The following CNTN4 variants were observed in gnomAD, a reference collection of about 807,000 sequenced individuals.
CNTN4 encodes the protein contactin-4.
CNTN4 carries 77 observed loss-of-function variants against 122.5 expected under a neutral mutation model. That is an observed-to-expected ratio of 0.63 (90% CI 0.52 to 0.76). The LOEUF (loss-of-function observed/expected upper bound fraction) is 0.76, where lower values mean the gene tolerates loss of function less well. Among genes scored for constraint, CNTN4 ranks in the 30% least tolerant of loss-of-function variants. The probability of loss-of-function intolerance (pLI) is 0.00; values close to 1 mark genes in which losing one functional copy is unlikely to be tolerated. For synonymous variants in CNTN4, 512 were observed against 447.0 expected (o/e 1.15, Z -1.83); for missense variants, 1,256 against 1,259.1 (o/e 1.00, Z 0.04).
chr3:2,354,090 A>T (rs755519372), intron 3 of CNTN4, among the ~76,000 whole-genome samples: 1 of 152,206 alleles, frequency 6.6e-6, no homozygotes, highest in East Asian at 1.9e-4. Context: ...CATCTTGTTG[A>T]TTAAAAACAC....
At chr3:2,362,325 C>T (rs1159965197) in intron 3 of CNTN4, 16 of 254,524 alleles carry the variant, frequency 6.3e-5, no homozygotes, top group East Asian at 2.4e-4. Flanking sequence ...CCCAGGGCTG[C>T]GCGGCACACA....
chr3:3,042,160 A>G (rs1377881101), intron 20 of CNTN4, 150 bp from the exon 21 acceptor site: 1 of 680,510 alleles, frequency 1.5e-6, no homozygotes, highest in Non-Finnish European at 2.7e-6. Flanking sequence ...CCAGCTATTA[A>G]TCACTGCCCC....
intron 4 of CNTN4, among the ~76,000 whole-genome samples, chr3:2,646,998 G>T (rs1489998314): frequency 6.6e-6 from 1 of 152,174 alleles, no homozygotes; most frequent in African/African-American, 2.4e-5. Context: ...ATAATGCCAA[G>T]GTTGAATTTC....
intron 2 of CNTN4, among the ~76,000 whole-genome samples, chr3:2,165,158 A>T (rs1389786468): frequency 6.6e-6 from 1 of 152,062 alleles, no homozygotes; most frequent in Non-Finnish European, 1.5e-5. Flanking sequence ...CCCCATCTCT[A>T]CTAAAAATAC....
chr3:2,602,272 G>A (rs2081078341), intron 4 of CNTN4, among the ~76,000 whole-genome samples: 1 of 152,098 alleles, frequency 6.6e-6, no homozygotes, highest in Admixed American at 6.6e-5. Flanking sequence ...GAAATAAAGG[G>A]TATTCAATTA....
At chr3:2,413,591 T>C (rs1236471829) in intron 3 of CNTN4, among the ~76,000 whole-genome samples, 1 of 152,124 alleles carries the variant, frequency 6.6e-6, no homozygotes, top group African/African-American at 2.4e-5. Flanking sequence ...TTGCCCAGGC[T>C]GAAGGGCAGT....
In CNTN4 at chr3:2,190,595, C is replaced by A. The variant is rs373653433; in HGVS notation, c.-145+89956C>A. On this transcript the variant is annotated intron_variant, in intron 2 of 24. Transcript: ENST00000418658. ...AGTCTACAGTTCCAGGCCAGCATCT[C>A]AGAGCTACGGGACAGTCTGCATGGG... 1.1e-3 allele frequency among the ~76,000 whole-genome samples: 163 copies of A among 151,846 alleles called. 2 individuals carry two copies. Among genetic ancestry groups the A allele is most frequent in the African/African-American group, 3.7e-3 (153 of 41,396 alleles).
rs553221146 is a variant in CNTN4, at chr3:2,553,020, G to A, written c.-88-18396G>A. On this transcript the variant is annotated intron_variant, in intron 3 of 24. Transcript: ENST00000418658. ...CAAGTACACGTCTTACCTGGAAAAC[G>A]ACGGTGTCTAGTTGGAGACCAGTGT... Among the ~76,000 whole-genome samples the A allele has an allele frequency of 3.9e-5, 6 of 152,254 alleles. No homozygotes were observed. The East Asian group carries it at 7.7e-4, about 20-fold the overall frequency.
chr3:2,669,808 G>T (rs1367363994), intron 4 of CNTN4, among the ~76,000 whole-genome samples: 1 of 152,082 alleles, frequency 6.6e-6, no homozygotes. Context: ...GTTCTCCTTG[G>T]TTTCCAAGAA....
chr3:2,615,830 C>T (rs905418623), intron 4 of CNTN4, among the ~76,000 whole-genome samples: 3 of 152,100 alleles, frequency 2.0e-5, no homozygotes, highest in Non-Finnish European at 4.4e-5. Flanking sequence ...AGCACTGATA[C>T]ATCTTTCCTT....
intron 2 of CNTN4, among the ~76,000 whole-genome samples, chr3:2,124,263 C>T (rs1002802784): frequency 2.0e-5 from 3 of 152,148 alleles, no homozygotes; most frequent in Admixed American, 1.3e-4. Context: ...CCAGCATCAA[C>T]TTCCGCTGTC....
chr3:2,291,852 G>C (rs1393105385), intron 2 of CNTN4, among the ~76,000 whole-genome samples: 1 of 152,058 alleles, frequency 6.6e-6, no homozygotes, highest in East Asian at 1.9e-4. Context: ...TCCTGCCTCT[G>C]CCTCCCGAGT....
In CNTN4 at chr3:3,041,573, C is replaced by CT. The variant is rs1306123839; in HGVS notation, c.2399-736dup. Among the ~76,000 whole-genome samples, 16 of 152,338 alleles carry CT rather than the reference C, an allele frequency of 1.1e-4. No individual in the cohort carries two copies. The South Asian group carries it at 3.1e-3, about 30-fold the overall frequency. ...GGCTGCAAAGGAGAGGCTAGACTGA[C>CT]TGTTTCCCAAATTTCAGTTATTTTT... On this transcript the variant is annotated intron_variant, in intron 20 of 24. Coordinates refer to ENST00000418658, the MANE Select transcript of CNTN4 (RefSeq NM_175607.3).
At chr3:2,913,521 A>G (rs966731095) in intron 12 of CNTN4, among the ~76,000 whole-genome samples, 4 of 152,236 alleles carry the variant, frequency 2.6e-5, no homozygotes, top group Non-Finnish European at 5.9e-5. Context: ...CCGTATTAAT[A>G]TCAGACAAAA....
chr3:3,011,027 C>T (rs1697173182), intron 14 of CNTN4, among the ~76,000 whole-genome samples: 1 of 152,196 alleles, frequency 6.6e-6, no homozygotes, highest in South Asian at 2.1e-4. Flanking sequence ...TGCAGCATGC[C>T]TCAGGTGACC....
intron 4 of CNTN4, among the ~76,000 whole-genome samples, chr3:2,648,972 A>G (rs2083248681): frequency 6.6e-6 from 1 of 152,238 alleles, no homozygotes; most frequent in Non-Finnish European, 1.5e-5. Flanking sequence ...ACCAGCCGCA[A>G]CATTCAACAT....
intron 2 of CNTN4, among the ~76,000 whole-genome samples, chr3:2,274,399 AAAC>A (rs1198336727): frequency 4.6e-5 from 7 of 152,058 alleles, no homozygotes; most frequent in Non-Finnish European, 8.8e-5. Flanking sequence ...ACAAACAAAC[AAAC>A]AAACAAACAA....
At chr3:2,407,895 G>C (rs937401999) in intron 3 of CNTN4, among the ~76,000 whole-genome samples, 1 of 152,128 alleles carries the variant, frequency 6.6e-6, no homozygotes, top group African/African-American at 2.4e-5. Flanking sequence ...ATTGTTGGCA[G>C]CCATACTCCT....
intron 4 of CNTN4, among the ~76,000 whole-genome samples, chr3:2,648,159 A>G (rs1294278418): frequency 1.3e-5 from 2 of 152,106 alleles, no homozygotes; most frequent in African/African-American, 4.8e-5. Context: ...AATGACACTT[A>G]CTTTATTTGG....
Sources: gnomAD v4.1 joint callset for allele counts (sites outside exome capture counted in the v4.1 genomes callset) on GRCh38, gnomAD v4.1.1 for gene constraint, MANE v1.5 for transcripts, NCBI Gene and HGNC (gene_info 2026-07-23, HGNC 2026-07-21) for gene names.